The following KIAA1328 variants were observed in gnomAD, a reference collection of about 807,000 sequenced individuals.
KIAA1328 encodes protein hinderin.
In KIAA1328, 52 loss-of-function variants were observed where a neutral mutation model predicts 68.1. The observed-to-expected ratio is 0.76, with a 90% CI of 0.61 to 0.96. KIAA1328 has a LOEUF of 0.96. Ranked by LOEUF, KIAA1328 falls within the 40% of genes least tolerant of loss-of-function variation. The pLI is 0.00. For synonymous variants in KIAA1328, 232 were observed against 239.4 expected (o/e 0.97, Z 0.28); for missense variants, 641 against 677.6 (o/e 0.95, Z 0.60).
At chr18:37,103,353 G>T (rs553003174) in intron 7 of KIAA1328, among the ~76,000 whole-genome samples, 1 of 152,182 alleles carries the variant, frequency 6.6e-6, no homozygotes, top group East Asian at 1.9e-4. Flanking sequence ...ATAAATCTAC[G>T]TATTTATAGC....
At chr18:36,913,522 A>ACACACT (rs1330112677) in intron 5 of KIAA1328, among the ~76,000 whole-genome samples, 1 of 82,104 alleles carries the variant, frequency 1.2e-5, no homozygotes, top group Non-Finnish European at 2.9e-5. Context: ...ACACACACAC[A>ACACACT]CTTAGAGGAA....
intron 6 of KIAA1328, among the ~76,000 whole-genome samples, chr18:37,024,964 C>T (rs1032701377): frequency 6.6e-6 from 1 of 152,180 alleles, no homozygotes; most frequent in South Asian, 2.1e-4. Context: ...CTGTCTTCCA[C>T]AGTGGTTGAA....
intron 5 of KIAA1328, among the ~76,000 whole-genome samples, chr18:36,954,962 G>T (rs1460621732): frequency 6.6e-6 from 1 of 152,076 alleles, no homozygotes; most frequent in Non-Finnish European, 1.5e-5. Context: ...CTCCCAAAGT[G>T]CTGGGATTAC....
intron 6 of KIAA1328, among the ~76,000 whole-genome samples, chr18:37,028,818 G>A (rs569837916): frequency 3.4e-4 from 51 of 152,158 alleles, no homozygotes; most frequent in African/African-American, 1.0e-3. Flanking sequence ...GTGATGAATC[G>A]TATGTATTAA....
At chr18:37,146,104 T>G (rs1440347647) in intron 7 of KIAA1328, among the ~76,000 whole-genome samples, 1 of 152,126 alleles carries the variant, frequency 6.6e-6, no homozygotes, top group Non-Finnish European at 1.5e-5. Context: ...GTTTTTAAAC[T>G]TGTACATTCA....
intron 2 of KIAA1328, 100 bp from the exon 3 acceptor site, chr18:36,835,134 C>G (rs1198984123): frequency 1.2e-6 from 1 of 861,330 alleles, no homozygotes; most frequent in Admixed American, 2.7e-5. Context: ...TTTCCTCCAT[C>G]AGGTCCCTTA....
At chr18:36,876,982 G>A (rs1474093948) in intron 4 of KIAA1328, among the ~76,000 whole-genome samples, 2 of 152,022 alleles carry the variant, frequency 1.3e-5, no homozygotes, top group East Asian at 1.9e-4. Flanking sequence ...GTAGGTGTGC[G>A]GTTTTGAGTG....
At chr18:37,030,363 G>GA (rs1407980514) in intron 6 of KIAA1328, among the ~76,000 whole-genome samples, 2 of 151,862 alleles carry the variant, frequency 1.3e-5, no homozygotes, top group African/African-American at 4.8e-5. Flanking sequence ...TTTTAATTTT[G>GA]ATTAATTTCA....
intron 6 of KIAA1328, among the ~76,000 whole-genome samples, chr18:36,993,371 T>G (rs1295778535): frequency 6.6e-6 from 1 of 152,226 alleles, no homozygotes; most frequent in South Asian, 2.1e-4. Flanking sequence ...TGTAGACTTT[T>G]GTTTTCAGAA....
chr18:36,836,938 T>C (rs1600920007), intron 3 of KIAA1328, among the ~76,000 whole-genome samples: 1 of 152,146 alleles, frequency 6.6e-6, no homozygotes, highest in Admixed American at 6.5e-5. Context: ...GATTTCAAGG[T>C]TCATCTATTC....
intron 5 of KIAA1328, among the ~76,000 whole-genome samples, chr18:36,943,646 A>C (rs924872777): frequency 6.6e-6 from 1 of 152,230 alleles, no homozygotes; most frequent in Non-Finnish European, 1.5e-5. Flanking sequence ...CTAGAAAACA[A>C]GTCATTTGGG....
intron 6 of KIAA1328, among the ~76,000 whole-genome samples, chr18:36,982,435 A>G (rs533064104): frequency 2.1e-4 from 32 of 151,932 alleles, no homozygotes; most frequent in African/African-American, 7.0e-4. Flanking sequence ...AAAATGATAA[A>G]TATGACAGCA....
At chr18:36,830,588 G>T (rs1350154052) in intron 1 of KIAA1328, among the ~76,000 whole-genome samples, 1 of 151,908 alleles carries the variant, frequency 6.6e-6, no homozygotes, top group Non-Finnish European at 1.5e-5. Context: ...TTTGGGGGGG[G>T]GACAAGCTAT....
chr18:36,962,541 C>G (rs747846664), intron 6 of KIAA1328, among the ~76,000 whole-genome samples: 43 of 152,284 alleles, frequency 2.8e-4, no homozygotes, highest in South Asian at 6.2e-4. Flanking sequence ...CCACATCATG[C>G]TTATTCTAAA....
chr18:37,055,776 T>G (rs2055883299), intron 6 of KIAA1328, among the ~76,000 whole-genome samples: 1 of 152,178 alleles, frequency 6.6e-6, no homozygotes, highest in South Asian at 2.1e-4. Flanking sequence ...GAGAGGGAAA[T>G]TTTGAAGTTA....
intron 4 of KIAA1328, among the ~76,000 whole-genome samples, chr18:36,882,242 A>G (rs1294029290): frequency 6.6e-6 from 1 of 152,222 alleles, no homozygotes; most frequent in African/African-American, 2.4e-5. Flanking sequence ...AGTGAGGACT[A>G]ACTATTGTGC....
At chr18:37,193,375 T>C (rs570743031) in intron 9 of KIAA1328, among the ~76,000 whole-genome samples, 12 of 152,296 alleles carry the variant, frequency 7.9e-5, no homozygotes, top group African/African-American at 2.9e-4. Context: ...TGATTATTCA[T>C]ATTAAATGGA....
At chr18:37,144,901 C>T (rs1452293357) in intron 7 of KIAA1328, among the ~76,000 whole-genome samples, 3 of 152,048 alleles carry the variant, frequency 2.0e-5, no homozygotes, top group Non-Finnish European at 4.4e-5. Context: ...TATTTACTAA[C>T]TTATCCTGTG....
intron 7 of KIAA1328, among the ~76,000 whole-genome samples, chr18:37,147,892 C>T (rs2058939391): frequency 6.6e-6 from 1 of 152,072 alleles, no homozygotes; most frequent in Non-Finnish European, 1.5e-5. Context: ...TATACATACA[C>T]AAACCTAGCC....
Sources: allele counts gnomAD v4.1 joint callset (sites outside exome capture counted in the v4.1 genomes callset), GRCh38; gene constraint gnomAD v4.1.1; transcripts MANE v1.5; gene names NCBI Gene and HGNC (gene_info 2026-07-23, HGNC 2026-07-21).